The following MGMT variants were observed in gnomAD, a reference collection of about 807,000 sequenced individuals.
MGMT encodes methylated-DNA--protein-cysteine methyltransferase.
In MGMT, 14 loss-of-function variants were observed where a neutral mutation model predicts 15.9. That is an observed-to-expected ratio of 0.88 (90% confidence interval 0.58 to 1.37). MGMT has a LOEUF of 1.37. Among genes scored for constraint, MGMT ranks in the 40% most tolerant of loss-of-function variants. MGMT has a pLI of 0.00. For synonymous variants in MGMT, 130 were observed against 118.2 expected, an observed-to-expected ratio of 1.10 and a Z score of -0.65; for missense variants, 282 against 268.1, an observed-to-expected ratio of 1.05 and a Z score of -0.36.
chr10:129,687,468 G>A (rs989147734), intron 2 of MGMT, among the ~76,000 whole-genome samples: 1 of 152,182 alleles, frequency 6.6e-6, no homozygotes, highest in Non-Finnish European at 1.5e-5. Context: ...ACCCAGAAGA[G>A]GGTTGCTGTT....
intron 2 of MGMT, among the ~76,000 whole-genome samples, chr10:129,640,873 A>G (rs1428367148): frequency 1.3e-5 from 2 of 152,214 alleles, no homozygotes; most frequent in Non-Finnish European, 2.9e-5. Context: ...GTTAATCTCG[A>G]AGAAATTTCC....
chr10:129,641,003 A>G (rs1361725997), intron 2 of MGMT, among the ~76,000 whole-genome samples: 1 of 152,234 alleles, frequency 6.6e-6, no homozygotes, highest in Non-Finnish European at 1.5e-5. Flanking sequence ...CACTCTTCCT[A>G]CAGCTATTCA....
intron 2 of MGMT, among the ~76,000 whole-genome samples, chr10:129,578,604 G>A (rs536146360): frequency 6.6e-6 from 1 of 152,226 alleles, no homozygotes; most frequent in Non-Finnish European, 1.5e-5. Context: ...AATGGGTGCA[G>A]CACACCAACA....
In MGMT at chr10:129,707,933, G is replaced by T; in HGVS notation, c.164G>T (p.Gly55Val). 6.2e-7 allele frequency: 1 copy of T among 1,612,612 alleles called. No homozygotes were observed. The highest frequency in any genetic ancestry group is 1.1e-5 in the South Asian group (1 of 91,060). Residue 55 changes from glycine to valine, a missense_variant, in exon 3 of 5, where the codon GGT becomes GTT. Gly to Val is a moderately radical substitution (Grantham distance 109). Coordinates refer to ENST00000651593, the MANE Select transcript of MGMT (RefSeq NM_002412.5). ...EVPAPAAVLG[G>V]PEPLMQCTAW... ...CCAGCCCCCGCTGCGGTTCTCGGAG[G>T]TCCGGAGCCCCTGATGCAGTGCACA...
chr10:129,747,894 A>T (rs977140927), intron 3 of MGMT, among the ~76,000 whole-genome samples: 1 of 152,112 alleles, frequency 6.6e-6, no homozygotes, highest in African/African-American at 2.4e-5. Context: ...TGCTTTTCTC[A>T]TGATTTGACT....
At chr10:129,715,123 G>A (rs1288246589) in intron 3 of MGMT, among the ~76,000 whole-genome samples, 3 of 152,184 alleles carry the variant, frequency 2.0e-5, no homozygotes, top group Admixed American at 6.5e-5. Flanking sequence ...TGGACATAAC[G>A]AGGGTCTCTA....
intron 1 of MGMT, among the ~76,000 whole-genome samples, chr10:129,517,412 T>C (rs1007010394): frequency 3.9e-5 from 6 of 152,238 alleles, no homozygotes; most frequent in Non-Finnish European, 5.9e-5. Flanking sequence ...CTCCCTGCAC[T>C]GTGCCCCTCC....
At chr10:129,694,412 C>A (rs568443018) in intron 2 of MGMT, 3 of 152,186 alleles carry the variant, frequency 2.0e-5, no homozygotes, top group African/African-American at 7.2e-5. Context: ...ATGGAGCTTA[C>A]GGTCCACAGA....
chr10:129,630,475 C>T (rs1412146384), intron 2 of MGMT, among the ~76,000 whole-genome samples: 2 of 152,178 alleles, frequency 1.3e-5, no homozygotes, highest in Non-Finnish European at 2.9e-5. Flanking sequence ...TTGCCAGCTA[C>T]CTTTCTCCTC....
At chr10:129,716,304 G>C (rs1459923523) in intron 3 of MGMT, among the ~76,000 whole-genome samples, 1 of 152,144 alleles carries the variant, frequency 6.6e-6, no homozygotes, top group Non-Finnish European at 1.5e-5. Context: ...TATATACAGT[G>C]TAGCTGTTAC....
intron 1 of MGMT, among the ~76,000 whole-genome samples, chr10:129,522,477 G>A (rs1301805034): frequency 6.6e-6 from 1 of 152,214 alleles, no homozygotes; most frequent in East Asian, 1.9e-4. Context: ...ATCCCACAGT[G>A]CTCTTTGTCC....
At chr10:129,694,119 C>T (rs1370078849) in intron 2 of MGMT, 3 of 152,206 alleles carry the variant, frequency 2.0e-5, no homozygotes, top group Non-Finnish European at 4.4e-5. Flanking sequence ...AGCTGGTTGC[C>T]TTAGTTGAAT....
At chr10:129,567,043 CA>C in intron 2 of MGMT, among the ~76,000 whole-genome samples, 1 of 152,314 alleles carries the variant, frequency 6.6e-6, no homozygotes, top group South Asian at 2.1e-4. Flanking sequence ...CTCCCTGAGG[CA>C]GCTCGTGTTT....
chr10:129,745,495 A>G (rs546916584), intron 3 of MGMT, among the ~76,000 whole-genome samples: 3 of 152,304 alleles, frequency 2.0e-5, no homozygotes, highest in South Asian at 4.1e-4. Context: ...GGAATCAGAC[A>G]GTATTTAACC....
chr10:129,654,824 C>T (rs900243667), intron 2 of MGMT, among the ~76,000 whole-genome samples: 6 of 152,072 alleles, frequency 3.9e-5, no homozygotes, highest in Admixed American at 6.5e-5. Flanking sequence ...GGGTGGGGGG[C>T]TGTATGGGCA....
At chr10:129,662,308 G>T (rs973674765) in intron 2 of MGMT, among the ~76,000 whole-genome samples, 23 of 152,096 alleles carry the variant, frequency 1.5e-4, no homozygotes, top group African/African-American at 5.6e-4. Flanking sequence ...AGGAAAAAAA[G>T]GAATTAAAAT....
At chr10:129,486,517 G>T (rs1845411037) in intron 1 of MGMT, among the ~76,000 whole-genome samples, 1 of 152,030 alleles carries the variant, frequency 6.6e-6, no homozygotes, top group Non-Finnish European at 1.5e-5. Flanking sequence ...ATGCTTTTTG[G>T]TCGTTCAGCT....
chr10:129,628,241 T>C (rs1847172454), intron 2 of MGMT, among the ~76,000 whole-genome samples: 1 of 152,220 alleles, frequency 6.6e-6, no homozygotes, highest in African/African-American at 2.4e-5. Context: ...TTCATGGAAC[T>C]TGCTTCTGTG....
At chr10:129,756,564 G>T (rs985046412) in intron 3 of MGMT, among the ~76,000 whole-genome samples, 3 of 152,204 alleles carry the variant, frequency 2.0e-5, no homozygotes, top group African/African-American at 4.8e-5. Context: ...CTGCCTCCCG[G>T]GTTCAAGTGA....
Sources: allele counts gnomAD v4.1 joint callset (sites outside exome capture counted in the v4.1 genomes callset), GRCh38; gene constraint gnomAD v4.1.1; transcripts MANE v1.5; gene names NCBI Gene and HGNC (gene_info 2026-07-23, HGNC 2026-07-21).